LRP1B: variants seen among roughly 807,000 people sequenced by gnomAD.
LRP1B encodes LDL receptor related protein 1B.
In LRP1B, 217 loss-of-function variants were observed where a neutral mutation model predicts 556.6. The ratio of observed to expected loss-of-function variants is 0.39; its 90% CI spans 0.35 to 0.44. LRP1B has a LOEUF of 0.44. Among genes scored for constraint, LRP1B ranks in the 20% least tolerant of loss-of-function variants. The pLI, the probability that LRP1B is intolerant of heterozygous loss-of-function variation, is 1.00. For synonymous variants in LRP1B, 2,047 were observed against 1,865.8 expected, an observed-to-expected ratio of 1.10 and a Z score of -2.50; for missense variants, 5,053 against 5,620.8, an observed-to-expected ratio of 0.90 and a Z score of 3.23.
intron 2 of LRP1B, among the ~76,000 whole-genome samples, chr2:141,647,114 G>T (rs1387010280): frequency 6.6e-6 from 1 of 152,116 alleles, no homozygotes; most frequent in Non-Finnish European, 1.5e-5. Context: ...AAGAAGAAGG[G>T]AATATGAGAA....
At chr2:140,679,238 GC>G in intron 41 of LRP1B, among the ~76,000 whole-genome samples, 1 of 152,246 alleles carries the variant, frequency 6.6e-6, no homozygotes, top group South Asian at 2.1e-4. Flanking sequence ...TAATTACCTT[GC>G]TAAAGGCCCT....
intron 2 of LRP1B, among the ~76,000 whole-genome samples, chr2:141,611,132 A>G (rs766725964): frequency 5.9e-5 from 9 of 152,208 alleles, no homozygotes; most frequent in Non-Finnish European, 1.3e-4. Context: ...CACACAGTCC[A>G]CATAGAATAA....
chr2:140,546,000 T>TTTTGTG (rs374489389), intron 43 of LRP1B, among the ~76,000 whole-genome samples: 6 of 142,602 alleles, frequency 4.2e-5, no homozygotes, highest in Admixed American at 2.8e-4. Context: ...TATTATTAGG[T>TTTTGTG]TGTGTGTGTG....
At chr2:142,070,469 C>T (rs1705269397) in intron 1 of LRP1B, among the ~76,000 whole-genome samples, 1 of 151,868 alleles carries the variant, frequency 6.6e-6, no homozygotes, top group African/African-American at 2.4e-5. Context: ...TTCTCTCCAA[C>T]TGCTTCACAC....
intron 41 of LRP1B, among the ~76,000 whole-genome samples, chr2:140,676,606 C>T (rs1685680245): frequency 6.6e-6 from 1 of 152,138 alleles, no homozygotes; most frequent in Admixed American, 6.5e-5. Context: ...TAAATAGACA[C>T]TGTCATTTCA....
intron 1 of LRP1B, among the ~76,000 whole-genome samples, chr2:142,062,926 T>C (rs915210508): frequency 2.6e-5 from 4 of 151,556 alleles, no homozygotes; most frequent in African/African-American, 9.7e-5. Context: ...TTATGTTCAA[T>C]AAGTATTGGA....
At chr2:140,812,725 G>A (rs1221758425) in intron 32 of LRP1B, among the ~76,000 whole-genome samples, 1 of 151,580 alleles carries the variant, frequency 6.6e-6, no homozygotes, top group Non-Finnish European at 1.5e-5. Flanking sequence ...ATTCAAATGG[G>A]CTTTTCATAA....
rs59699046 is a variant in LRP1B at position 141,212,249 on chromosome 2, A to ATTTTTTTTTT, written c.850+16924_850+16933dup. On this transcript the variant is annotated intron_variant, in intron 6 of 90. Transcript: ENST00000389484. ...AAGATATATTGATCAAAAAGTCTAGATTTTTTTTTTTTTTTTTTTTTTTTT... is the reference window on the plus strand; with the variant it reads ...AAGATATATTGATCAAAAAGTCTAGATTTTTTTTTTTTTTTTTTTTTTTTTTTTTTTTTTT... 1.2e-3 allele frequency among the ~76,000 whole-genome samples: 73 copies of ATTTTTTTTTT among 62,262 alleles called. 20 individuals are homozygous for ATTTTTTTTTT. The highest frequency in any genetic ancestry group is 2.5e-3 in the East Asian group (4 of 1,626). The allele number at this position is 62,262 out of a possible 152,430, so 40.8% of individuals were successfully genotyped here.
At chr2:141,325,403 C>T (rs1386143071) in intron 3 of LRP1B, among the ~76,000 whole-genome samples, 2 of 152,066 alleles carry the variant, frequency 1.3e-5, no homozygotes, top group South Asian at 2.1e-4. Flanking sequence ...TGCTAGAAAA[C>T]TTTTATGAAA....
intron 7 of LRP1B, among the ~76,000 whole-genome samples, chr2:141,139,238 A>G (rs1200739959): frequency 2.0e-5 from 3 of 151,938 alleles, no homozygotes; most frequent in East Asian, 1.9e-4. Context: ...AATGAAATGT[A>G]AAGTCCTGAA....
intron 2 of LRP1B, among the ~76,000 whole-genome samples, chr2:141,778,568 C>T (rs1351945716): frequency 2.0e-5 from 3 of 152,148 alleles, no homozygotes; most frequent in African/African-American, 7.2e-5. Flanking sequence ...TGGTAAGTCA[C>T]AGCCATTTCC....
intron 2 of LRP1B, among the ~76,000 whole-genome samples, chr2:141,614,931 T>C (rs934817959): frequency 1.3e-5 from 2 of 152,212 alleles, no homozygotes; most frequent in South Asian, 4.1e-4. Context: ...CATCCTGGTA[T>C]AATAACGTGG....
At chr2:141,192,782 T>C (rs933142809) in intron 6 of LRP1B, among the ~76,000 whole-genome samples, 2 of 151,840 alleles carry the variant, frequency 1.3e-5, no homozygotes, top group Non-Finnish European at 2.9e-5. Flanking sequence ...ATATCAACAT[T>C]GGCAAAAGTA....
At chr2:142,116,243 T>C (rs1346655623) in intron 1 of LRP1B, among the ~76,000 whole-genome samples, 7 of 144,996 alleles carry the variant, frequency 4.8e-5, no homozygotes, top group Admixed American at 4.8e-4. Flanking sequence ...CCTCACTCAA[T>C]TGATCAAGAT....
At chr2:141,996,719 C>CA (rs916554942) in intron 1 of LRP1B, among the ~76,000 whole-genome samples, 7 of 149,750 alleles carry the variant, frequency 4.7e-5, no homozygotes, top group Admixed American at 4.0e-4. Flanking sequence ...TCTTTCCCCC[C>CA]CCCTACAAAC....
chr2:141,233,003 T>C (rs1683526906), intron 5 of LRP1B, among the ~76,000 whole-genome samples: 2 of 152,186 alleles, frequency 1.3e-5, no homozygotes, highest in Non-Finnish European at 2.9e-5. Flanking sequence ...CTAATGTCTG[T>C]TGTGCATCGT....
Position 141,189,042 on chromosome 2 carries a change from AAGG to A in LRP1B, c.851-462_851-460del, listed in dbSNP as rs1237231894. Among the ~76,000 whole-genome samples the A allele has an allele frequency of 2.6e-5, 4 of 152,116 alleles. No homozygotes were observed. The East Asian group carries it at 5.8e-4, about 22-fold the overall frequency. ...GAAGGAAAGGGTGGAGAAGATGGAAAAGGAGATCTATAAGATTCCTTTGTTTGA... is the reference window on the plus strand; with the variant it reads ...GAAGGAAAGGGTGGAGAAGATGGAAAAGATCTATAAGATTCCTTTGTTTGA... On this transcript the variant is annotated intron_variant, in intron 6 of 90. Transcript: ENST00000389484.
intron 67 of LRP1B, 97 bp downstream of exon 67, chr2:140,385,796 C>T (rs1471397406): frequency 1.3e-6 from 1 of 789,590 alleles, no homozygotes. Flanking sequence ...AGCCATAAGA[C>T]AGGTTCAAAT....
At chr2:141,636,951 T>C (rs1689126863) in intron 2 of LRP1B, among the ~76,000 whole-genome samples, 2 of 152,116 alleles carry the variant, frequency 1.3e-5, no homozygotes, top group Admixed American at 6.6e-5. Context: ...TCCAAACTAT[T>C]GAAAATGGTT....
Sources: allele counts gnomAD v4.1 joint callset (sites outside exome capture counted in the v4.1 genomes callset), GRCh38; gene constraint gnomAD v4.1.1; transcripts MANE v1.5; gene names NCBI Gene and HGNC (gene_info 2026-07-23, HGNC 2026-07-21).